EPHB2: variants seen among roughly 807,000 people sequenced by gnomAD.
EPHB2 encodes ephrin type-B receptor 2.
A neutral mutation model predicts 96.4 loss-of-function variants in EPHB2; 18 were observed. The observed-to-expected ratio is 0.19, with a 90% CI of 0.13 to 0.28. The LOEUF (loss-of-function observed/expected upper bound fraction) is 0.28, where lower values mean the gene tolerates loss of function less well. Among genes scored for constraint, EPHB2 ranks in the 10% least tolerant of loss-of-function variants. The probability of loss-of-function intolerance (pLI) is 1.00; values close to 1 mark genes in which losing one functional copy is unlikely to be tolerated. For synonymous variants in EPHB2, 506 were observed against 534.1 expected (o/e 0.95, Z 0.72); for missense variants, 989 against 1,355.4 (o/e 0.73, Z 4.25).
At chr1:22,910,636 C>T (rs762035070) in intron 14 of EPHB2, 61 bp downstream of exon 14, 4 of 1,586,864 alleles carry the variant, frequency 2.5e-6, no homozygotes, top group East Asian at 2.3e-5. Context: ...TCTCCCATCC[C>T]TTCTGCCCCC....
chr1:22,873,534 A>G (rs1197807147), intron 5 of EPHB2, among the ~76,000 whole-genome samples: 1 of 152,222 alleles, frequency 6.6e-6, no homozygotes, highest in African/African-American at 2.4e-5. Context: ...AGAACTACAT[A>G]AGTTACAGGG....
At chr1:22,819,208 T>TCTCC (rs1645116635) in intron 3 of EPHB2, among the ~76,000 whole-genome samples, 1 of 68,382 alleles carries the variant, frequency 1.5e-5, no homozygotes, top group Non-Finnish European at 3.1e-5. Context: ...AGCAGATGTC[T>TCTCC]CTCTCTCTCT....
intron 6 of EPHB2, among the ~76,000 whole-genome samples, chr1:22,887,960 T>G (rs976819217): frequency 6.6e-6 from 1 of 152,216 alleles, no homozygotes; most frequent in Admixed American, 6.5e-5. Context: ...CACTCATTCA[T>G]TCACTTTTGC....
At chr1:22,732,875 C>G (rs1353635264) in intron 1 of EPHB2, among the ~76,000 whole-genome samples, 1 of 152,132 alleles carries the variant, frequency 6.6e-6, no homozygotes, top group Non-Finnish European at 1.5e-5. Context: ...ACATCACACA[C>G]AAAAAATCAG....
intron 5 of EPHB2, among the ~76,000 whole-genome samples, chr1:22,866,765 C>T (rs1490014331): frequency 6.6e-6 from 1 of 152,058 alleles, no homozygotes. Flanking sequence ...GAAGCCCCAT[C>T]TCTATTAAAA....
At chr1:22,850,095 G>T (rs1437847272) in intron 3 of EPHB2, among the ~76,000 whole-genome samples, 2 of 152,202 alleles carry the variant, frequency 1.3e-5, no homozygotes, top group African/African-American at 4.8e-5. Flanking sequence ...TCTCAGCCCG[G>T]AGGGGCTCCC....
At chr1:22,863,657 T>C (rs60378630) in intron 4 of EPHB2, among the ~76,000 whole-genome samples, 1 of 152,150 alleles carries the variant, frequency 6.6e-6, no homozygotes, top group Non-Finnish European at 1.5e-5. Context: ...AGCTGAGCCC[T>C]ATGGCTGAAA....
intron 1 of EPHB2, among the ~76,000 whole-genome samples, chr1:22,773,846 T>C (rs1445178431): frequency 1.3e-5 from 2 of 152,204 alleles, no homozygotes. Context: ...GCTAAGGACA[T>C]GGGCTTTGGT....
rs1306104864 is a variant in EPHB2 at position 22,858,304 on chromosome 1, A to G, written c.812-4733A>G. Among the ~76,000 whole-genome samples the G allele has an allele frequency of 1.3e-5, 2 of 152,166 alleles. No homozygotes were observed. The highest frequency in any genetic ancestry group is 2.9e-5 in the Non-Finnish European group (2 of 68,030). On this transcript the variant is annotated intron_variant, in intron 3 of 15. Coordinates refer to ENST00000374630, the MANE Select transcript of EPHB2 (RefSeq NM_017449.5). This position sits in a 1 kb window ranked among gnomAD's most constrained non-coding sequence, Gnocchi z 7.7. ...GTAGCCAGGCTAGGCATGTGGGTCT[A>G]TTCTAAGTGCAGTGGGGATAAATGG... is the stretch of plus-strand genomic sequence containing the variant.
In EPHB2 at chr1:22,906,220, GA is replaced by G. The variant is rs1404398636; in HGVS notation, c.1888+112del. The G allele has an allele frequency of 6.5e-7, 1 of 1,528,966 alleles. No individual in the cohort carries two copies. The highest frequency in any genetic ancestry group is 2.3e-5 in the East Asian group (1 of 43,516). 94.7% of individuals were successfully genotyped at this position (1,528,966 alleles called of 1,614,324 possible). ...AGGATGTGGGACAGGCGCCTCAAAG[GA>G]CCCCCCAAGGCCTGAAGGTTCAGAA... is the stretch of plus-strand genomic sequence containing the variant. On this transcript the variant is annotated intron_variant, in intron 10 of 15. Transcript: ENST00000374630. The surrounding 1 kb of genome is among the most constrained non-coding windows in gnomAD (Gnocchi z 4.8).
intron 1 of EPHB2, among the ~76,000 whole-genome samples, chr1:22,712,071 A>G (rs1427029030): frequency 2.6e-5 from 4 of 152,112 alleles, no homozygotes; most frequent in Admixed American, 1.3e-4. Flanking sequence ...CACTATACGC[A>G]GCTCTCTGTG....
At position 22,916,931 on chromosome 1, in the gene EPHB2, G is replaced by C. The variant is rs947505466; in HGVS notation, c.*3361G>C. 1 of 152,302 alleles carries C rather than the reference G, an allele frequency of 6.6e-6. No homozygotes were observed. The highest frequency in any genetic ancestry group is 6.5e-5 in the Admixed American group (1 of 15,280). 9.4% of individuals were successfully genotyped at this position (152,302 alleles called of 1,614,324 possible). On this transcript the variant is annotated 3_prime_UTR_variant, in exon 16 of 16. Transcript: ENST00000374630. The surrounding 1 kb of genome is among the most constrained non-coding windows in gnomAD (Gnocchi z 4.2). ...CAGAATGGGTCATTGTTGGTGCTCA[G>C]CAGTCCTCTCCCTCGGGGATGATAT...
At chr1:22,762,940 T>C (rs1193339414) in intron 1 of EPHB2, among the ~76,000 whole-genome samples, 1 of 151,844 alleles carries the variant, frequency 6.6e-6, no homozygotes, top group Non-Finnish European at 1.5e-5. Context: ...TGGGTCCAGC[T>C]CTCTACAGCA....
chr1:22,761,938 C>T (rs1454173768), intron 1 of EPHB2, among the ~76,000 whole-genome samples: 2 of 152,260 alleles, frequency 1.3e-5, no homozygotes, highest in Non-Finnish European at 2.9e-5. Flanking sequence ...CGCATCTCTG[C>T]CTGTCGTTGC....
intron 3 of EPHB2, among the ~76,000 whole-genome samples, chr1:22,792,136 A>G (rs868179064): frequency 6.6e-6 from 1 of 150,696 alleles, no homozygotes; most frequent in Non-Finnish European, 1.5e-5. Flanking sequence ...CCCTGCTTTC[A>G]GCTCGAGCCC....
intron 1 of EPHB2, among the ~76,000 whole-genome samples, chr1:22,778,098 T>C (rs995358438): frequency 6.6e-6 from 1 of 152,216 alleles, no homozygotes; most frequent in African/African-American, 2.4e-5. Context: ...CAATCTCAGC[T>C]CACTGCAACC....
intron 3 of EPHB2, among the ~76,000 whole-genome samples, chr1:22,796,285 G>A (rs143531407): frequency 5.8e-4 from 88 of 152,074 alleles, no homozygotes; most frequent in Non-Finnish European, 1.1e-3. Flanking sequence ...CCCATGGCTG[G>A]GGGGCCAGGG....
intron 3 of EPHB2, among the ~76,000 whole-genome samples, chr1:22,844,049 C>A (rs1381008617): frequency 6.6e-6 from 1 of 152,072 alleles, no homozygotes; most frequent in Non-Finnish European, 1.5e-5. Context: ...TTCTACTGTT[C>A]ATGGACATTT....
chr1:22,714,330 A>T (rs545649085), intron 1 of EPHB2, among the ~76,000 whole-genome samples: 2 of 152,244 alleles, frequency 1.3e-5, no homozygotes, highest in East Asian at 3.9e-4. Context: ...CTGCTATGAA[A>T]CTTTCTTAGC....
Sources: allele counts gnomAD v4.1 joint callset (sites outside exome capture counted in the v4.1 genomes callset), GRCh38; gene constraint gnomAD v4.1.1; non-coding constraint Gnocchi (gnomAD v3.1); transcripts MANE v1.5; gene names NCBI Gene and HGNC (gene_info 2026-07-23, HGNC 2026-07-21).